PLSCR2: variants seen among roughly 807,000 people sequenced by gnomAD.
PLSCR2 encodes PL scramblase 2.
PLSCR2 carries 18 observed loss-of-function variants against 25.3 expected under a neutral mutation model. The observed-to-expected ratio is 0.71, with a 90% CI of 0.49 to 1.06. PLSCR2 has a LOEUF of 1.06. Among genes scored for constraint, PLSCR2 ranks in the 50% least tolerant of loss-of-function variants. PLSCR2 has a pLI of 0.00. For missense variants in PLSCR2, 243 were observed against 269.5 expected, an observed-to-expected ratio of 0.90 and a Z score of 0.69; for synonymous variants, 88 against 87.3, an observed-to-expected ratio of 1.01 and a Z score of -0.04.
At chr3:146,484,275 A>C (rs529007387) in intron 1 of PLSCR2, among the ~76,000 whole-genome samples, 2 of 151,234 alleles carry the variant, frequency 1.3e-5, no homozygotes, top group South Asian at 4.2e-4. Context: ...AACCTCCGAC[A>C]ACTATGGGAT....
At chr3:146,459,774 C>T in intron 2 of PLSCR2, 74 bp downstream of exon 2, 2 of 1,052,580 alleles carry the variant, frequency 1.9e-6, no homozygotes, top group Non-Finnish European at 2.8e-6. Flanking sequence ...ATCACTTAAC[C>T]ATAATTACTA....
At chr3:146,456,236 C>A (rs1190595659) in intron 3 of PLSCR2, among the ~76,000 whole-genome samples, 1 of 152,108 alleles carries the variant, frequency 6.6e-6, no homozygotes, top group Non-Finnish European at 1.5e-5. Flanking sequence ...CCAAGGACTT[C>A]CATATTGAAC....
At chr3:146,418,063 G>A (rs1042490120) in intron 2 of PLSCR2, among the ~76,000 whole-genome samples, 2 of 152,018 alleles carry the variant, frequency 1.3e-5, no homozygotes, top group Non-Finnish European at 2.9e-5. Context: ...GATCCACTCA[G>A]ATAACACAGG....
chr3:146,448,259 A>T (rs1576650137), intron 6 of PLSCR2, among the ~76,000 whole-genome samples: 1 of 152,194 alleles, frequency 6.6e-6, no homozygotes, highest in South Asian at 2.1e-4. Flanking sequence ...CTATTCAGCC[A>T]TCTTCATCAG....
chr3:146,482,224 A>T (rs1576733799), intron 1 of PLSCR2, among the ~76,000 whole-genome samples: 2 of 152,322 alleles, frequency 1.3e-5, no homozygotes, highest in Non-Finnish European at 2.9e-5. Flanking sequence ...AAATAGACAA[A>T]TTGGATCAAT....
At chr3:146,474,221 T>C (rs1451952787) in intron 1 of PLSCR2, among the ~76,000 whole-genome samples, 1 of 152,230 alleles carries the variant, frequency 6.6e-6, no homozygotes, top group Non-Finnish European at 1.5e-5. Flanking sequence ...TTATTTTTGT[T>C]CTTTCCACAA....
intron 2 of PLSCR2, among the ~76,000 whole-genome samples, chr3:146,422,013 G>A (rs1309765601): frequency 6.6e-6 from 1 of 152,102 alleles, no homozygotes; most frequent in Non-Finnish European, 1.5e-5. Context: ...AACAGATTCA[G>A]TTCTGGTCAA....
chr3:146,402,323 C>CT (rs1449066358), intron 2 of PLSCR2, among the ~76,000 whole-genome samples: 1 of 152,098 alleles, frequency 6.6e-6, no homozygotes, highest in Non-Finnish European at 1.5e-5. Flanking sequence ...TTTAAAAACT[C>CT]TAACAAAATA....
At chr3:146,487,830 T>A (rs1157701673) in intron 1 of PLSCR2, among the ~76,000 whole-genome samples, 1 of 151,952 alleles carries the variant, frequency 6.6e-6, no homozygotes. Context: ...CTGCTTTAAA[T>A]TTCATATGGA....
intron 2 of PLSCR2, among the ~76,000 whole-genome samples, chr3:146,407,413 G>T (rs189898059): frequency 6.6e-6 from 1 of 152,178 alleles, no homozygotes. Context: ...GAAGGTATTT[G>T]TACCTAGCCC....
intron 1 of PLSCR2, among the ~76,000 whole-genome samples, chr3:146,483,003 A>C (rs1162727375): frequency 1.3e-5 from 2 of 151,656 alleles, no homozygotes; most frequent in Non-Finnish European, 3.0e-5. Context: ...TAGTGTTGGA[A>C]GTTCTGGCCA....
chr3:146,392,170 A>AT (rs573113058), intron 3 of PLSCR2, among the ~76,000 whole-genome samples: 245 of 152,112 alleles, frequency 1.6e-3, no homozygotes, highest in African/African-American at 5.6e-3. Flanking sequence ...TTTGCTGTTT[A>AT]TTTAAGTTTG....
intron 6 of PLSCR2, among the ~76,000 whole-genome samples, chr3:146,448,804 TTATTGCAC>T (rs1450929817): frequency 2.0e-5 from 3 of 152,250 alleles, no homozygotes; most frequent in Non-Finnish European, 4.4e-5. Flanking sequence ...ATGTATACTC[TTATTGCAC>T]TTTATAATCC....
chr3:146,463,334 G>A (rs982925518), upstream of PLSCR2, among the ~76,000 whole-genome samples: 19 of 151,940 alleles, frequency 1.3e-4, no homozygotes, highest in African/African-American at 4.6e-4. Flanking sequence ...CCGCCACCAC[G>A]CCCGGAATAA....
chr3:146,448,182 T>C (rs1345355778), intron 6 of PLSCR2, among the ~76,000 whole-genome samples: 1 of 152,194 alleles, frequency 6.6e-6, no homozygotes, highest in African/African-American at 2.4e-5. Context: ...CTTATGAAAT[T>C]GCTTTCTGTT....
At chr3:146,395,305 A>G (rs1201459658) in intron 3 of PLSCR2, among the ~76,000 whole-genome samples, 2 of 152,344 alleles carry the variant, frequency 1.3e-5, no homozygotes, top group East Asian at 1.9e-4. Flanking sequence ...ACAAAAGTAT[A>G]TAAGTTGTGA....
At chr3:146,394,211 T>C (rs2038196186) in intron 3 of PLSCR2, among the ~76,000 whole-genome samples, 1 of 152,190 alleles carries the variant, frequency 6.6e-6, no homozygotes, top group African/African-American at 2.4e-5. Flanking sequence ...TTTAGATTTG[T>C]CTTTTTAAAA....
chr3:146,482,172 A>C (rs186745416), intron 1 of PLSCR2, among the ~76,000 whole-genome samples: 1 of 152,228 alleles, frequency 6.6e-6, no homozygotes, highest in African/African-American at 2.4e-5. Flanking sequence ...ATGGGCAAGG[A>C]CTTCATGACT....
At chr3:146,483,624 A>G (rs2043238818) in intron 1 of PLSCR2, among the ~76,000 whole-genome samples, 1 of 150,614 alleles carries the variant, frequency 6.6e-6, no homozygotes, top group Non-Finnish European at 1.5e-5. Flanking sequence ...GATGTATCTA[A>G]GTGAGGGAGG....
Sources: allele counts gnomAD v4.1 joint callset (sites outside exome capture counted in the v4.1 genomes callset), GRCh38; gene constraint gnomAD v4.1.1; transcripts MANE v1.5; gene names NCBI Gene and HGNC (gene_info 2026-07-23, HGNC 2026-07-21).